The following NBPF20 variants were observed in gnomAD, a reference collection of about 807,000 sequenced individuals.
The protein encoded by NBPF20 is NBPF family member NBPF20.
Under a neutral mutation model 68.1 loss-of-function variants are expected in NBPF20, and 90 were observed. The observed-to-expected ratio is 1.32, with a 90% CI of 1.11 to 1.58. The LOEUF is 1.58. NBPF20 is among the 40% of genes most tolerant of loss of function. NBPF20 has a pLI of 0.00. For missense variants in NBPF20, 816 were observed against 601.2 expected (o/e 1.36, Z -3.74); for synonymous variants, 290 against 228.1 (o/e 1.27, Z -2.45).
In NBPF20 at chr1:145,393,715, T is replaced by C. The variant is rs1225754446; in HGVS notation, c.1043+169A>G. The stretch of plus-strand genomic sequence containing the variant: ...AGTAAATGATAAGGGTAGGAAGAAA[T>C]GGAAACCTAAACATGTACTCTAATG... On this transcript the variant is annotated intron_variant, in intron 9 of 137. Transcript: ENST00000369373. The C allele has an allele frequency of 6.2e-5, 93 of 1,491,016 alleles. No individual in the cohort carries two copies. In the African/African-American group the frequency reaches 1.2e-3, roughly 19 times the overall value. The allele number at this position is 1,491,016 out of a possible 1,614,324, so 92.4% of individuals were successfully genotyped here. A position where few individuals can be genotyped will look rare whatever the true frequency, so the allele number is the denominator to read the frequency against.
At position 145,402,432 on chromosome 1, in the gene NBPF20, G is replaced by A. The variant is rs1413661069; in HGVS notation, c.279-51C>T. 2.8e-5 allele frequency: 44 copies of A among 1,590,172 alleles called. 1 individual carries two copies. The highest frequency in any genetic ancestry group is 2.0e-4 in the South Asian group (18 of 90,536). ...TAAGAGTGGAAAGGTTCAGTGATCC[G>A]CTCAAATATTGCAACAGAGATTTCT... On this transcript the variant is annotated intron_variant, in intron 3 of 137. Coordinates refer to ENST00000369373, the Ensembl canonical transcript of NBPF20.
the NBPF20 span, among the ~76,000 whole-genome samples, chr1:145,422,025 G>A: frequency 5.3e-5 from 8 of 151,676 alleles, no homozygotes; most frequent in South Asian, 4.2e-4. Context: ...GAAACAGAGC[G>A]AGACACTGTC....
chr1:145,425,190 A>C, the NBPF20 span, among the ~76,000 whole-genome samples: 1 of 152,086 alleles, frequency 6.6e-6, no homozygotes, highest in Non-Finnish European at 1.5e-5. Context: ...CAACGCATGG[A>C]ACTTAAGCCC....
At chr1:145,408,766 A>G (rs1454276551), upstream of NBPF20, among the ~76,000 whole-genome samples, 10 of 151,974 alleles carry the variant, frequency 6.6e-5, no homozygotes, top group African/African-American at 2.4e-4. Flanking sequence ...TTTCTCACCA[A>G]TTGCTTTTAG....
In NBPF20 at chr1:145,291,783, C is replaced by G. The variant is rs782798448; in HGVS notation, c.16698-14G>C. On this transcript the variant is annotated splice_polypyrimidine_tract_variant and intron_variant, in intron 137 of 137. Coordinates refer to ENST00000369373, the Ensembl canonical transcript of NBPF20. ...ACGCCGTTGAGCCTGGAAAAGGAGA[C>G]AAAACTAAAGAAGCAGCCAGGGAAA... The G allele has an allele frequency of 1.9e-6, 3 of 1,611,308 alleles. No homozygotes were observed. The highest frequency in any genetic ancestry group is 2.7e-5 in the African/African-American group (2 of 74,566).
chr1:145,415,204 G>T, the NBPF20 span, among the ~76,000 whole-genome samples: 55 of 147,590 alleles, frequency 3.7e-4, no homozygotes, highest in South Asian at 8.7e-4. Context: ...TGCATATACA[G>T]AAACATCTCA....
chr1:145,402,364 A>G (rs2101578868), exon 4 of NBPF20: 8 of 1,604,704 alleles, frequency 5.0e-6, no homozygotes, highest in East Asian at 2.2e-5. Context: ...CTGAGCGTGA[A>G]CCAGGACTTT....
the NBPF20 span, among the ~76,000 whole-genome samples, chr1:145,417,265 T>C: frequency 6.6e-6 from 1 of 151,544 alleles, no homozygotes; most frequent in Non-Finnish European, 1.5e-5. Flanking sequence ...GACAACCACA[T>C]GCAAAAAAAA....
At chr1:145,397,762 A>G (rs1662328592) in intron 7 of NBPF20, among the ~76,000 whole-genome samples, 1 of 152,246 alleles carries the variant, frequency 6.6e-6, no homozygotes, top group African/African-American at 2.4e-5. Flanking sequence ...AATGGGCTAA[A>G]TGCCCCAGTT....
rs1330751935 is a variant in NBPF20 at position 145,393,259 on chromosome 1, G to GA, written c.1044-14dup. 3.1e-6 allele frequency: 2 copies of GA among 643,886 alleles called. No homozygotes were observed. Among genetic ancestry groups the GA allele is most frequent in the African/African-American group, 4.0e-5 (2 of 49,500 alleles). The allele number at this position is 643,886 out of a possible 1,614,324, so 39.9% of individuals were successfully genotyped here. ...CTCCCTGCTGAGCCTGGAAAAGTGG[G>GA]AAAAAGTAAAGAATAAGCCAGGGGG... On this transcript the variant is annotated splice_polypyrimidine_tract_variant and intron_variant, in intron 9 of 137. Transcript: ENST00000369373.
At chr1:145,404,957 TAACAA>T (rs1662699679) in intron 2 of NBPF20, 136 bp downstream of exon 7, 2 of 1,248,258 alleles carry the variant, frequency 1.6e-6, no homozygotes, top group East Asian at 4.6e-5. Flanking sequence ...GTCTTCCAAC[TAACAA>T]AATGTTAAAA....
At chr1:145,292,347 A>G (rs1553658116) in intron 137 of NBPF20, 34 bp downstream of exon 142, 1 of 659,876 alleles carries the variant, frequency 1.5e-6, no homozygotes, top group Non-Finnish European at 2.7e-6. Context: ...AGGTGTTAAC[A>G]CAGAATTAAG....
At chr1:145,366,637 G>A (rs1440722136) in intron 43 of NBPF20, among the ~76,000 whole-genome samples, 1 of 66,952 alleles carries the variant, frequency 1.5e-5, no homozygotes, top group African/African-American at 7.3e-5. Flanking sequence ...AATTGTCCAG[G>A]TGACACACTG....
the NBPF20 span, among the ~76,000 whole-genome samples, chr1:145,425,404 G>A: frequency 6.6e-6 from 1 of 152,076 alleles, no homozygotes; most frequent in Non-Finnish European, 1.5e-5. Flanking sequence ...CCATCCAGAC[G>A]GCAGCCGCGC....
chr1:145,292,393 G>A lies in NBPF20; in HGVS notation c.16685C>T (p.Pro5562Leu), dbSNP rs1256598454. The change falls in exon 137 of 138, where the codon CCA (proline) becomes CTA (leucine). Residue 5562 changes from proline (P) to leucine (L), a missense_variant. Pro to Leu is a moderately conservative substitution (Grantham distance 98). Transcript: ENST00000369373. ...TGCTGAAAGTCACCTGGGGCATGGT[G>A]GGTTTTGATCTTCTTCCCCTTCTTT... The A allele has an allele frequency of 1.6e-5, 11 of 682,844 alleles. 2 individuals are homozygous for A. In the African/African-American group the frequency reaches 2.2e-4, roughly 14 times the overall value. The allele number at this position is 682,844 out of a possible 1,614,324, so 42.3% of individuals were successfully genotyped here.
At chr1:145,393,834 A>G (rs1355195420) in intron 9 of NBPF20, 50 bp downstream of exon 14, 8 of 1,346,898 alleles carry the variant, frequency 5.9e-6, no homozygotes, top group South Asian at 1.2e-5. Context: ...TGGACTTGGC[A>G]TCTCCAGGTG....
At chr1:145,421,884 G>C in the NBPF20 span, among the ~76,000 whole-genome samples, 3 of 151,984 alleles carry the variant, frequency 2.0e-5, no homozygotes, top group Middle Eastern at 3.4e-3. Context: ...ACAAAAAATA[G>C]AAAATTAGCC....
chr1:145,413,658 CCTAA>C, the NBPF20 span, among the ~76,000 whole-genome samples: 4 of 143,394 alleles, frequency 2.8e-5, no homozygotes, highest in South Asian at 2.4e-4. Flanking sequence ...GGCTGTGGAT[CCTAA>C]CTAAGAAACT....
intron 137 of NBPF20, 90 bp from the exon 143 acceptor site, chr1:145,291,859 G>A (rs1399424961): frequency 4.9e-5 from 79 of 1,604,022 alleles, no homozygotes; most frequent in Non-Finnish European, 6.0e-5. Flanking sequence ...TAAGGAAGTG[G>A]TTAGAAAAGA....
Sources: gnomAD v4.1 joint callset for allele counts (sites outside exome capture counted in the v4.1 genomes callset) on GRCh38, gnomAD v4.1.1 for gene constraint, MANE v1.5 for transcripts, NCBI Gene and HGNC (gene_info 2026-07-23, HGNC 2026-07-21) for gene names.